ZBTB20: variants seen among roughly 807,000 people sequenced by gnomAD.
ZBTB20 encodes the protein zinc finger and BTB domain-containing protein 20.
ZBTB20 carries 9 observed loss-of-function variants against 56.9 expected under a neutral mutation model. The ratio of observed to expected loss-of-function variants is 0.16; its 90% CI spans 0.10 to 0.28. The LOEUF is 0.28. Among genes scored for constraint, ZBTB20 ranks in the 10% least tolerant of loss-of-function variants. ZBTB20 has a pLI of 1.00. For missense variants in ZBTB20, 655 were observed against 1,003.0 expected (o/e 0.65, Z 4.69); for synonymous variants, 417 against 420.7 (o/e 0.99, Z 0.11).
intron 7 of ZBTB20, among the ~76,000 whole-genome samples, chr3:114,453,151 T>G (rs1182586431): frequency 1.3e-5 from 2 of 152,314 alleles, no homozygotes; most frequent in South Asian, 4.1e-4. Flanking sequence ...AAATGTTTGC[T>G]ACAACACAAA....
At chr3:114,917,876 A>G (rs143077732) in intron 3 of ZBTB20, among the ~76,000 whole-genome samples, 1 of 147,324 alleles carries the variant, frequency 6.8e-6, no homozygotes, top group Non-Finnish European at 1.5e-5. Context: ...TATAACCACT[A>G]TTTGGCTGCT....
At position 114,350,625 on chromosome 3, in the gene ZBTB20, T is replaced by C. The variant is rs780614361; in HGVS notation, c.1453A>G (p.Ser485Gly). The C allele has an allele frequency of 5.6e-6, 9 of 1,614,198 alleles. No individual in the cohort carries two copies. The South Asian group carries it at 8.8e-5, about 16-fold the overall frequency. Residue 485 changes from serine to glycine, a missense_variant, in exon 11 of 12, where the codon AGC becomes GGC. By Grantham distance (56) the Ser-to-Gly change is moderately conservative. Coordinates refer to ENST00000675478, the MANE Select transcript of ZBTB20 (RefSeq NM_001348800.3). ...AAGGTCAGAGGCATCCTCAGGTTGCTGGTGAGGGTTTCTGTCTGGCGTAAG... is the reference window on the plus strand; with the variant it reads ...AAGGTCAGAGGCATCCTCAGGTTGCCGGTGAGGGTTTCTGTCTGGCGTAAG... ...LYLRQTETLTSNLRMPLTLTS... is the reference protein window; with the variant it reads ...LYLRQTETLTGNLRMPLTLTS...
At chr3:114,696,526 A>T (rs1578391635) in intron 5 of ZBTB20, among the ~76,000 whole-genome samples, 1 of 152,066 alleles carries the variant, frequency 6.6e-6, no homozygotes, top group Non-Finnish European at 1.5e-5. Flanking sequence ...GGGCTGTGCT[A>T]TCACTTTATA....
At chr3:114,891,093 T>C (rs1386626063) in intron 4 of ZBTB20, among the ~76,000 whole-genome samples, 2 of 152,256 alleles carry the variant, frequency 1.3e-5, no homozygotes, top group East Asian at 3.9e-4. Flanking sequence ...CAATGGCAAA[T>C]GGGTTTCCTA....
chr3:115,034,687 T>C (rs2080842612), intron 2 of ZBTB20, among the ~76,000 whole-genome samples: 3 of 151,858 alleles, frequency 2.0e-5, no homozygotes, highest in African/African-American at 7.2e-5. Flanking sequence ...CCTATAAAAA[T>C]CCAAATTATG....
rs2078978789 is a variant in ZBTB20, at chr3:114,323,877, T to A, written c.*15128A>T. ...CCTACTTCCATAATTTGCCTTTTTCTTTCCCATACGTAACACACTCTCTCC... is the reference window on the plus strand; with the variant it reads ...CCTACTTCCATAATTTGCCTTTTTCATTCCCATACGTAACACACTCTCTCC... On this transcript the variant is annotated 3_prime_UTR_variant, in exon 12 of 12. Coordinates refer to ENST00000675478, the MANE Select transcript of ZBTB20 (RefSeq NM_001348800.3). The A allele has an allele frequency of 6.6e-6, 1 of 152,186 alleles. No individual in the cohort carries two copies. Among genetic ancestry groups the A allele is most frequent in the Non-Finnish European group, 1.5e-5 (1 of 68,040 alleles). 9.4% of individuals were successfully genotyped at this position (152,186 alleles called of 1,614,324 possible).
At chr3:114,676,596 T>C (rs1251488708) in intron 6 of ZBTB20, among the ~76,000 whole-genome samples, 1 of 152,142 alleles carries the variant, frequency 6.6e-6, no homozygotes, top group African/African-American at 2.4e-5. Context: ...TCCTAGGTAC[T>C]ACTGAAATCA....
chr3:115,083,229 T>C (rs2082860569), intron 1 of ZBTB20, among the ~76,000 whole-genome samples: 1 of 152,060 alleles, frequency 6.6e-6, no homozygotes, highest in Non-Finnish European at 1.5e-5. Flanking sequence ...ATGTCCTTCA[T>C]TAGGAATATT....
intron 1 of ZBTB20, among the ~76,000 whole-genome samples, chr3:115,145,398 A>C (rs1278763609): frequency 6.6e-6 from 1 of 152,244 alleles, no homozygotes; most frequent in Non-Finnish European, 1.5e-5. Context: ...ACCAAAATCC[A>C]CAGATGCTCA....
intron 4 of ZBTB20, among the ~76,000 whole-genome samples, chr3:114,897,211 T>C (rs966861008): frequency 2.0e-5 from 3 of 152,130 alleles, no homozygotes; most frequent in African/African-American, 7.2e-5. Context: ...ACCATACTAA[T>C]AATAAGTGGT....
At chr3:115,075,652 T>C (rs529204649) in intron 1 of ZBTB20, among the ~76,000 whole-genome samples, 43 of 152,244 alleles carry the variant, frequency 2.8e-4, no homozygotes, top group African/African-American at 1.0e-3. Context: ...GATAAGCACA[T>C]ATATGAAAAG....
chr3:114,393,699 T>A (rs1489159110), intron 7 of ZBTB20, among the ~76,000 whole-genome samples: 1 of 152,230 alleles, frequency 6.6e-6, no homozygotes, highest in Non-Finnish European at 1.5e-5. Context: ...ACTCGGTTTT[T>A]AAGTCAAAAG....
chr3:115,132,637 C>T (rs926355119), intron 1 of ZBTB20, among the ~76,000 whole-genome samples: 2 of 152,104 alleles, frequency 1.3e-5, no homozygotes, highest in Non-Finnish European at 2.9e-5. Flanking sequence ...TGGCTCACGC[C>T]TGTAATCCCA....
At chr3:115,132,479 C>T (rs2084535482) in intron 1 of ZBTB20, among the ~76,000 whole-genome samples, 1 of 152,174 alleles carries the variant, frequency 6.6e-6, no homozygotes, top group Admixed American at 6.5e-5. Flanking sequence ...ACCTGACATT[C>T]TTCTCTACAA....
rs538899434 is a variant in ZBTB20, at chr3:114,350,443, G to A, written c.1635C>T (p.Pro545=). 8 of 1,614,160 alleles carry A rather than the reference G, an allele frequency of 5.0e-6. No homozygotes were observed. Among genetic ancestry groups the A allele is most frequent in the Middle Eastern group, 3.3e-4 (2 of 6,062 alleles). ...QQTQFVTVSQ[P]GLSTFTAQLP... ...GCTGTGCAGTAAAGGTCGACAGACC[G>A]GGCTGGGACACTGTCACAAACTGGG... The change falls in exon 11 of 12, where the codon CCC becomes CCT. Residue 545 remains proline (P), a synonymous_variant. Coordinates refer to ENST00000675478, the MANE Select transcript of ZBTB20 (RefSeq NM_001348800.3).
intron 2 of ZBTB20, among the ~76,000 whole-genome samples, chr3:115,016,294 T>C (rs1194735778): frequency 6.6e-6 from 1 of 152,042 alleles, no homozygotes; most frequent in African/African-American, 2.4e-5. Flanking sequence ...TAGTTTCTTT[T>C]GCTGAGCAGA....
At chr3:115,059,033 T>C (rs1328761722) in intron 2 of ZBTB20, among the ~76,000 whole-genome samples, 1 of 152,196 alleles carries the variant, frequency 6.6e-6, no homozygotes, top group African/African-American at 2.4e-5. Flanking sequence ...TCCATTTAGT[T>C]CCCTTTTATG....
chr3:114,434,380 A>G (rs1303299709), intron 7 of ZBTB20, among the ~76,000 whole-genome samples: 1 of 152,082 alleles, frequency 6.6e-6, no homozygotes, highest in Non-Finnish European at 1.5e-5. Flanking sequence ...CAGGTATGCT[A>G]GGATCCATAT....
chr3:114,816,172 C>T (rs1342897924), intron 4 of ZBTB20, among the ~76,000 whole-genome samples: 8 of 152,178 alleles, frequency 5.3e-5, no homozygotes, highest in African/African-American at 1.7e-4. Context: ...GTTATATATT[C>T]ATATAACTTC....
Sources: allele counts gnomAD v4.1 joint callset (sites outside exome capture counted in the v4.1 genomes callset), GRCh38; gene constraint gnomAD v4.1.1; transcripts MANE v1.5; gene names NCBI Gene and HGNC (gene_info 2026-07-23, HGNC 2026-07-21).